ZFHX4: variants seen among roughly 807,000 people sequenced by gnomAD.
The protein encoded by ZFHX4 is zinc finger homeobox protein 4.
A neutral mutation model predicts 267.6 loss-of-function variants in ZFHX4; 56 were observed. The observed-to-expected ratio is 0.21, with a 90% confidence interval of 0.17 to 0.26. The LOEUF is 0.26. Among genes scored for constraint, ZFHX4 ranks in the 10% least tolerant of loss-of-function variants. ZFHX4 has a pLI of 1.00. For synonymous variants in ZFHX4, 1,778 were observed against 1,665.6 expected, an observed-to-expected ratio of 1.07 and a Z score of -1.64; for missense variants, 4,332 against 4,420.0, an observed-to-expected ratio of 0.98 and a Z score of 0.56.
Position 76,863,857 on chromosome 8 carries a change from C to T in ZFHX4, c.10143C>T (p.Pro3381=), listed in dbSNP as rs777426236. 1.4e-5 allele frequency: 22 copies of T among 1,556,718 alleles called. No homozygotes were observed. The highest frequency in any genetic ancestry group is 1.5e-5 in the Non-Finnish European group (17 of 1,149,518). ...CTACAGAAAGCACAAAAGAAGAACC[C>T]CAGTTAGAATCCAAAAGTGCAGACT... ...STATESTKEE[P]QLESKSADFS... Residue 3381 remains proline (P), a synonymous_variant, in exon 11 of 11, where the codon CCC becomes CCT. Coordinates refer to ENST00000651372, the MANE Select transcript of ZFHX4 (RefSeq NM_024721.5).
chr8:76,705,689 A>C lies in ZFHX4; in HGVS notation c.1601A>C (p.Glu534Ala). The C allele has an allele frequency of 6.2e-7, 1 of 1,614,040 alleles. No individual in the cohort carries two copies. The highest frequency in any genetic ancestry group is 8.5e-7 in the Non-Finnish European group (1 of 1,179,902). ...SSSATVSDDT[E>A]KKKQTAAVRA... is the part of the protein sequence containing the mutation. Reference sequence around the variant, plus strand: ...TCGGCGACTGTTTCTGATGACACAGAAAAGAAAAAACAGACTGCTGCTGTT... The same window carrying C: ...TCGGCGACTGTTTCTGATGACACAGCAAAGAAAAAACAGACTGCTGCTGTT... Residue 534 changes from glutamate (E) to alanine (A), a missense_variant, in exon 2 of 11, where the codon GAA (glutamate) becomes GCA (alanine). By Grantham distance (107) the Glu-to-Ala change is moderately radical. This residue lies in a region of ZFHX4 where 1,195 missense variants were observed against 1,173.6 expected (regional missense o/e 1.02). Coordinates refer to ENST00000651372, the MANE Select transcript of ZFHX4 (RefSeq NM_024721.5).
chr8:76,706,169 G>T lies in ZFHX4; in HGVS notation c.2081G>T (p.Cys694Phe). ...PRLARGESYT[C>F]GYKPFRCEVC... Reference sequence around the variant, plus strand: ...CTTGCCCGGGGTGAGAGTTACACGTGTGGCTATAAACCCTTCCGTTGTGAG... The same window carrying T: ...CTTGCCCGGGGTGAGAGTTACACGTTTGGCTATAAACCCTTCCGTTGTGAG... The change falls in exon 2 of 11, where the codon TGT (cysteine) becomes TTT (phenylalanine). Residue 694 changes from cysteine to phenylalanine, a missense_variant. Transcript: ENST00000651372. 2 of 1,614,040 alleles carry T rather than the reference G, an allele frequency of 1.2e-6. No homozygotes were observed. The highest frequency in any genetic ancestry group is 1.7e-6 in the Non-Finnish European group (2 of 1,180,000).
At chr8:76,776,516 G>T (rs949553570) in intron 3 of ZFHX4, among the ~76,000 whole-genome samples, 1 of 152,108 alleles carries the variant, frequency 6.6e-6, no homozygotes. Context: ...TTCCTGTTTA[G>T]ATCCAGGCTT....
In ZFHX4 at chr8:76,705,236, A is replaced by G. The variant is rs756234748; in HGVS notation, c.1148A>G (p.Lys383Arg). ...TTGCCGGCTGGCTTTGCCTTCTTAA[A>G]AGGAAGCGCGAGCACCTCGAGCTCA... ...DSLPAGFAFL[K>R]GSASTSSSAE... Residue 383 changes from lysine to arginine, a missense_variant, in exon 2 of 11, where the codon AAA becomes AGA. By Grantham distance (26) the Lys-to-Arg change is conservative. Transcript: ENST00000651372. 5.0e-6 allele frequency: 8 copies of G among 1,614,012 alleles called. No homozygotes were observed. In the South Asian group the frequency reaches 7.7e-5, roughly 16 times the overall value.
At chr8:76,770,418 C>G (rs1810232571) in intron 3 of ZFHX4, among the ~76,000 whole-genome samples, 1 of 152,154 alleles carries the variant, frequency 6.6e-6, no homozygotes, top group South Asian at 2.1e-4. Context: ...TCCTGATTAA[C>G]TCTTCATGCT....
chr8:76,713,755 G>A (rs529923593), intron 3 of ZFHX4, among the ~76,000 whole-genome samples: 3 of 152,078 alleles, frequency 2.0e-5, no homozygotes, highest in Non-Finnish European at 2.9e-5. Flanking sequence ...CTTTTTCAGC[G>A]TGCATTTTTT....
At chr8:76,774,580 G>A (rs1164571821) in intron 3 of ZFHX4, among the ~76,000 whole-genome samples, 2 of 151,692 alleles carry the variant, frequency 1.3e-5, no homozygotes, top group Non-Finnish European at 2.9e-5. Flanking sequence ...AAACCTAAAG[G>A]AGATATACAA....
chr8:76,854,221 A>G lies in ZFHX4; in HGVS notation c.7300A>G (p.Thr2434Ala). The G allele has an allele frequency of 2.6e-6, 4 of 1,565,842 alleles. No individual in the cohort carries two copies. Among genetic ancestry groups the G allele is most frequent in the Non-Finnish European group, 1.7e-6 (2 of 1,155,412 alleles). The change falls in exon 10 of 11, where the codon ACT becomes GCT. Residue 2434 changes from threonine to alanine, a missense_variant. This residue lies in a region of ZFHX4 where 1,648 missense variants were observed against 1,625.0 expected (regional missense o/e 1.01). Coordinates refer to ENST00000651372, the MANE Select transcript of ZFHX4 (RefSeq NM_024721.5). ...CAAACCAGCCCTGCCATTAGCATCG[A>G]CTTCCTCGGACCCACCACAGGCATC... ...GTKPALPLAS[T>A]SSDPPQASTA...
At chr8:76,764,166 C>G (rs1809992763) in intron 3 of ZFHX4, among the ~76,000 whole-genome samples, 1 of 152,066 alleles carries the variant, frequency 6.6e-6, no homozygotes, top group Admixed American at 6.6e-5. Context: ...ATAATACAAA[C>G]TTGATTTAAA....
At chr8:76,681,981 C>G (rs990320455) in intron 1 of ZFHX4, among the ~76,000 whole-genome samples, 14 of 152,160 alleles carry the variant, frequency 9.2e-5, no homozygotes, top group African/African-American at 3.1e-4. Flanking sequence ...GGATCATCTA[C>G]GTTTGCTTGG....
At chr8:76,741,311 T>C (rs867985123) in intron 3 of ZFHX4, among the ~76,000 whole-genome samples, 2 of 152,326 alleles carry the variant, frequency 1.3e-5, no homozygotes, top group Middle Eastern at 3.4e-3. Flanking sequence ...ATGAGATCTA[T>C]GTGTTTAAAT....
intron 3 of ZFHX4, among the ~76,000 whole-genome samples, chr8:76,764,326 T>A (rs1408074484): frequency 6.6e-6 from 1 of 152,212 alleles, no homozygotes; most frequent in Non-Finnish European, 1.5e-5. Flanking sequence ...ACTTAGTAAC[T>A]TTTTTCAAGA....
In ZFHX4 at chr8:76,849,089, G is replaced by A. The variant is rs1741520074; in HGVS notation, c.3606G>A (p.Arg1202=). 7.0e-6 allele frequency: 11 copies of A among 1,567,620 alleles called. No homozygotes were observed. The highest frequency in any genetic ancestry group is 2.4e-5 in the East Asian group (1 of 42,160). ...AAGAAGAGGATGTTGCAACAAAAAG[G>A]TCAAAACCTACAGAGGACAATAAAT... ...LAKEEDVATK[R]SKPTEDNKFC... The change falls in exon 7 of 11, where the codon AGG becomes AGA. Residue 1202 remains arginine (R), a synonymous_variant. Coordinates refer to ENST00000651372, the MANE Select transcript of ZFHX4 (RefSeq NM_024721.5).
chr8:76,833,399 G>A lies in ZFHX4; in HGVS notation c.3387G>A (p.Ser1129=), dbSNP rs2733733. Residue 1129 remains serine, a synonymous_variant, in exon 5 of 11, where the codon TCG becomes TCA. Transcript: ENST00000651372. The part of the protein sequence containing the change: ...DDDLTEQQLR[S]TSEEQSEEAE... ...ATCTTACAGAGCAGCAGTTGAGATC[G>A]ACCTCAGGTAATGGTTCCTACTCCT... 0.48 allele frequency: 774,048 copies of A among 1,602,524 alleles called. 192,426 individuals are homozygous for A. The highest frequency in any genetic ancestry group is 0.78 in the African/African-American group (58,689 of 74,812).
At chr8:76,686,444 C>T (rs1050378775) in intron 1 of ZFHX4, among the ~76,000 whole-genome samples, 20 of 152,072 alleles carry the variant, frequency 1.3e-4, no homozygotes, top group African/African-American at 4.6e-4. Flanking sequence ...CAAAACACAG[C>T]GTTAATCTAT....
In ZFHX4 at chr8:76,705,593, T is replaced by C. The variant is rs755891826; in HGVS notation, c.1505T>C (p.Leu502Pro). 3.1e-6 allele frequency: 5 copies of C among 1,613,742 alleles called. No homozygotes were observed. The highest frequency in any genetic ancestry group is 4.2e-6 in the Non-Finnish European group (5 of 1,179,776). ...TDSIGNKDFPLLNQSISPLSS... is the reference protein window; with the variant it reads ...TDSIGNKDFPPLNQSISPLSS... ...AGTATTGGTAACAAAGATTTCCCTC[T>C]CTTAAACCAAAGCATTTCTCCTTTA... The change falls in exon 2 of 11, where the codon CTC becomes CCC. Residue 502 changes from leucine to proline, a missense_variant. Physicochemically the swap from Leu to Pro is moderately conservative, Grantham distance 98 (BLOSUM62 -3). Coordinates refer to ENST00000651372, the MANE Select transcript of ZFHX4 (RefSeq NM_024721.5).
chr8:76,770,732 A>C (rs1421998449), intron 3 of ZFHX4, among the ~76,000 whole-genome samples: 1 of 152,172 alleles, frequency 6.6e-6, no homozygotes, highest in Non-Finnish European at 1.5e-5. Context: ...AAGACTCCTA[A>C]GTGGAAAAAC....
intron 4 of ZFHX4, among the ~76,000 whole-genome samples, chr8:76,816,537 C>A (rs1811510085): frequency 6.6e-6 from 1 of 151,888 alleles, no homozygotes; most frequent in Non-Finnish European, 1.5e-5. Context: ...ATGGCTCTTG[C>A]CACCTAGGGA....
In ZFHX4 at chr8:76,706,737, G is replaced by A. The variant is rs113604898; in HGVS notation, c.2590+59G>A. ...GTTTCTAATCACATTTTGATTTGGC[G>A]TGATGCACCCAGATAAAATGGTGAG... On this transcript the variant is annotated intron_variant, in intron 2 of 10. Coordinates refer to ENST00000651372, the MANE Select transcript of ZFHX4 (RefSeq NM_024721.5). 1.1e-3 allele frequency: 1,668 copies of A among 1,455,812 alleles called. 19 individuals are homozygous for A. In the African/African-American group the frequency reaches 0.019, roughly 17 times the overall value. 90.2% of individuals were successfully genotyped at this position (1,455,812 alleles called of 1,614,324 possible). A position where few individuals can be genotyped will look rare whatever the true frequency, so the allele number is the denominator to read the frequency against.
Sources: gnomAD v4.1 joint callset for allele counts (sites outside exome capture counted in the v4.1 genomes callset) on GRCh38, gnomAD v4.1.1 for gene constraint, gnomAD v4.1.1 regional missense constraint, MANE v1.5 for transcripts, NCBI Gene and HGNC (gene_info 2026-07-23, HGNC 2026-07-21) for gene names.